Variants in SLC67A1 observed in about 807,000 individuals in gnomAD.
SLC67A1 encodes solute carrier family 67 member 1.
chr11:2,916,891 G>C, the SLC67A1 span: 681 of 657,918 alleles, frequency 1.0e-3, 13 homozygotes, highest in South Asian at 0.013. Flanking sequence ...CTTCCCAGCT[G>C]CTGACATCAT....
chr11:2,917,799 G>A, the SLC67A1 span, among the ~76,000 whole-genome samples: 4 of 152,356 alleles, frequency 2.6e-5, no homozygotes, highest in East Asian at 7.7e-4. Flanking sequence ...GCTGAGGGGC[G>A]GTGCCCAACC....
the SLC67A1 span, among the ~76,000 whole-genome samples, chr11:2,912,967 A>C: frequency 6.6e-6 from 1 of 152,160 alleles, no homozygotes; most frequent in African/African-American, 2.4e-5. Flanking sequence ...ACAAGGAGCC[A>C]GGGGCACTGG....
the SLC67A1 span, chr11:2,915,280 C>CAT: frequency 9.3e-5 from 86 of 927,900 alleles, no homozygotes; most frequent in Middle Eastern, 5.6e-4. Context: ...CAAGTTTGCC[C>CAT]GTGTGTGTGT....
chr11:2,910,870 G>T, the SLC67A1 span, among the ~76,000 whole-genome samples: 1 of 152,216 alleles, frequency 6.6e-6, no homozygotes, highest in African/African-American at 2.4e-5. Context: ...CCCAGCCTGG[G>T]TGCCTGTCAG....
the SLC67A1 span, among the ~76,000 whole-genome samples, chr11:2,900,678 G>A: frequency 2.1e-5 from 2 of 94,800 alleles, no homozygotes; most frequent in African/African-American, 7.7e-5. Context: ...GGGTGACAGA[G>A]CAAGACTCCG....
At chr11:2,919,208 C>G in the SLC67A1 span, 1 of 824,652 alleles carries the variant, frequency 1.2e-6, no homozygotes, top group Non-Finnish European at 2.1e-6. Context: ...CAGCCAGGGC[C>G]CAGACACCCT....
chr11:2,919,243 A>C, the SLC67A1 span: 1 of 1,174,436 alleles, frequency 8.5e-7, no homozygotes, highest in African/African-American at 1.5e-5. Context: ...CTGAGGCGGG[A>C]GGGAGGTGGG....
At chr11:2,925,064 C>G in the SLC67A1 span, 1 of 1,613,736 alleles carries the variant, frequency 6.2e-7, no homozygotes. The surrounding 1 kb of genome is among the most constrained non-coding windows in gnomAD (Gnocchi z 6.5). Flanking sequence ...ACTCTGGGAC[C>G]CACGGTCGGC....
chr11:2,915,677 C>T, the SLC67A1 span, among the ~76,000 whole-genome samples: 1 of 152,216 alleles, frequency 6.6e-6, no homozygotes, highest in African/African-American at 2.4e-5. Flanking sequence ...AAGAAGGGCC[C>T]TTGCAGGCTG....
the SLC67A1 span, among the ~76,000 whole-genome samples, chr11:2,914,101 G>C: frequency 6.6e-6 from 1 of 152,204 alleles, no homozygotes; most frequent in South Asian, 2.1e-4. Flanking sequence ...GGCAGAGAAG[G>C]GACAGAGGCT....
At chr11:2,916,380 C>A in the SLC67A1 span, 1 of 448,362 alleles carries the variant, frequency 2.2e-6, no homozygotes, top group Non-Finnish European at 3.9e-6. Flanking sequence ...ACAGGGGCTG[C>A]CGGGGCCTGC....
the SLC67A1 span, chr11:2,916,795 C>A: frequency 6.6e-7 from 1 of 1,513,308 alleles, no homozygotes; most frequent in Non-Finnish European, 9.2e-7. Context: ...AAGGCATTGG[C>A]TAGGCCTGCG....
chr11:2,915,249 G>T, the SLC67A1 span: 2 of 985,102 alleles, frequency 2.0e-6, no homozygotes, highest in Non-Finnish European at 2.4e-6. Context: ...TCTGGCAAAC[G>T]GATGCAGGTA....
chr11:2,903,425 T>G, the SLC67A1 span: 72 of 1,613,042 alleles, frequency 4.5e-5, no homozygotes, highest in Non-Finnish European at 5.9e-5. Context: ...TCGGTCATCT[T>G]GCTTACCTAC....
the SLC67A1 span, among the ~76,000 whole-genome samples, chr11:2,907,858 G>T: frequency 5.2e-4 from 79 of 152,292 alleles, no homozygotes; most frequent in East Asian, 0.014. The surrounding 1 kb of genome is among the most constrained non-coding windows in gnomAD (Gnocchi z 6.7). Context: ...GAGGTCACTT[G>T]GGGGCCTTGG....
At chr11:2,921,943 G>A in the SLC67A1 span, 1 of 669,098 alleles carries the variant, frequency 1.5e-6, no homozygotes, top group Non-Finnish European at 2.7e-6. Flanking sequence ...AGTAGGGAGA[G>A]ACCCCGGGGC....
the SLC67A1 span, chr11:2,909,702 C>T: frequency 6.5e-7 from 1 of 1,531,138 alleles, no homozygotes. Flanking sequence ...CCCTGGTCTC[C>T]GCGTACGGGT....
the SLC67A1 span, chr11:2,909,450 G>A: frequency 7.0e-7 from 1 of 1,438,176 alleles, no homozygotes; most frequent in Non-Finnish European, 9.1e-7. Flanking sequence ...CGTGCGCGCG[G>A]GGTCTGGCCC....
the SLC67A1 span, among the ~76,000 whole-genome samples, chr11:2,915,817 A>G: frequency 6.6e-6 from 1 of 152,212 alleles, no homozygotes; most frequent in South Asian, 2.1e-4. Context: ...GGGCTGGCTG[A>G]GCCCCCAGGA....
Sources: allele counts gnomAD v4.1 joint callset (sites outside exome capture counted in the v4.1 genomes callset), GRCh38; gene constraint gnomAD v4.1.1; non-coding constraint Gnocchi (gnomAD v3.1); transcripts MANE v1.5; gene names NCBI Gene and HGNC (gene_info 2026-07-23, HGNC 2026-07-21).